XIRP2: variants seen among roughly 807,000 people sequenced by gnomAD.
XIRP2 encodes the protein xin actin binding repeat containing 2, also known as xin actin-binding repeat-containing protein 2.
In XIRP2, 236 loss-of-function variants were observed where a neutral mutation model predicts 277.0. The observed-to-expected ratio is 0.85, with a 90% confidence interval of 0.77 to 0.95. The LOEUF is 0.95. Ranked by LOEUF, XIRP2 falls within the 40% of genes least tolerant of loss-of-function variation. The probability of loss-of-function intolerance (pLI) is 0.00; values close to 1 mark genes in which losing one functional copy is unlikely to be tolerated. For missense variants in XIRP2, 4,640 were observed against 4,157.5 expected, an observed-to-expected ratio of 1.12 and a Z score of -3.19; for synonymous variants, 1,490 against 1,416.5, an observed-to-expected ratio of 1.05 and a Z score of -1.17.
intron 2 of XIRP2, among the ~76,000 whole-genome samples, chr2:166,995,814 AAG>A (rs1399097073): frequency 6.6e-6 from 1 of 152,196 alleles, no homozygotes. Context: ...TGTTTCCTTG[AAG>A]AGAATTGTGT....
chr2:167,139,053 C>T (rs377730337), intron 3 of XIRP2, among the ~76,000 whole-genome samples: 4 of 150,754 alleles, frequency 2.7e-5, no homozygotes, highest in South Asian at 2.1e-4. Context: ...GCCAACAGAG[C>T]GAGACTCTGT....
intron 1 of XIRP2, among the ~76,000 whole-genome samples, chr2:166,896,030 A>C (rs780509875): frequency 8.5e-5 from 13 of 152,156 alleles, no homozygotes; most frequent in Admixed American, 2.0e-4. Context: ...GGATGTTATG[A>C]GCAATTTATG....
In XIRP2 at chr2:167,247,677, T is replaced by C; in HGVS notation, c.6285T>C (p.Thr2095=). ...TGTCAGTTAAGAATAATCTAACAACTAAAGAATCAGACAGGGCAGTGAGAG... is the reference window on the plus strand; with the variant it reads ...TGTCAGTTAAGAATAATCTAACAACCAAAGAATCAGACAGGGCAGTGAGAG... ...STVSVKNNLT[T]KESDRAVREL... The change falls in exon 9 of 11, where the codon ACT becomes ACC. Residue 2095 remains threonine, a synonymous_variant. Transcript: ENST00000409195. The C allele has an allele frequency of 1.2e-6, 2 of 1,613,574 alleles. No homozygotes were observed. The highest frequency in any genetic ancestry group is 1.7e-6 in the Non-Finnish European group (2 of 1,179,724).
At chr2:167,145,147 A>G (rs1245025090) in intron 3 of XIRP2, among the ~76,000 whole-genome samples, 1 of 152,168 alleles carries the variant, frequency 6.6e-6, no homozygotes. Flanking sequence ...AAAATAATGA[A>G]TAACACCATA....
At chr2:167,062,892 A>G (rs757011783) in intron 2 of XIRP2, among the ~76,000 whole-genome samples, 6 of 151,640 alleles carry the variant, frequency 4.0e-5, no homozygotes, top group Non-Finnish European at 8.8e-5. Flanking sequence ...TCAAAAAACC[A>G]ACTTTTGGGT....
chr2:166,949,969 C>A (rs1685983948), intron 2 of XIRP2, among the ~76,000 whole-genome samples: 1 of 151,862 alleles, frequency 6.6e-6, no homozygotes, highest in Non-Finnish European at 1.5e-5. Flanking sequence ...CCTACCTTTT[C>A]TAAAATGCTG....
At chr2:167,033,357 G>T (rs751123580) in intron 2 of XIRP2, among the ~76,000 whole-genome samples, 3 of 152,058 alleles carry the variant, frequency 2.0e-5, no homozygotes, top group Non-Finnish European at 2.9e-5. Flanking sequence ...GTTAATGGGT[G>T]CAACAAACCA....
intron 3 of XIRP2, among the ~76,000 whole-genome samples, chr2:167,178,816 G>A (rs943230678): frequency 1.3e-5 from 2 of 151,714 alleles, no homozygotes; most frequent in African/African-American, 2.4e-5. Flanking sequence ...ATATCTATTC[G>A]TGTGTTACTA....
At chr2:167,036,403 T>C (rs888085316) in intron 2 of XIRP2, among the ~76,000 whole-genome samples, 1 of 152,068 alleles carries the variant, frequency 6.6e-6, no homozygotes, top group South Asian at 2.1e-4. Flanking sequence ...CTGAAGGAGA[T>C]CATTTTGGAG....
intron 2 of XIRP2, among the ~76,000 whole-genome samples, chr2:166,915,983 T>C (rs11884668): frequency 0.31 from 47,420 of 152,074 alleles, 7,909 homozygotes; most frequent in East Asian, 0.59. Context: ...ATTGCATAAT[T>C]GGAGGCATGG....
chr2:167,084,784 G>A (rs1479071989), intron 2 of XIRP2, among the ~76,000 whole-genome samples: 1 of 149,632 alleles, frequency 6.7e-6, no homozygotes, highest in African/African-American at 2.4e-5. Flanking sequence ...GATCGGTGGT[G>A]ATATCCCCTT....
At chr2:166,927,672 T>C (rs946843362) in intron 2 of XIRP2, among the ~76,000 whole-genome samples, 3 of 152,110 alleles carry the variant, frequency 2.0e-5, no homozygotes, top group Admixed American at 6.6e-5. Context: ...AAACCCTTTA[T>C]TGTAGAGTCA....
chr2:167,020,347 A>G (rs1043990389), intron 2 of XIRP2, among the ~76,000 whole-genome samples: 2 of 151,988 alleles, frequency 1.3e-5, no homozygotes, highest in Non-Finnish European at 2.9e-5. Flanking sequence ...GAAACAAATA[A>G]TGACTAATTA....
chr2:167,068,490 A>G (rs1689357937), intron 2 of XIRP2, among the ~76,000 whole-genome samples: 1 of 152,218 alleles, frequency 6.6e-6, no homozygotes, highest in African/African-American at 2.4e-5. Flanking sequence ...AACAGTGTGT[A>G]CAAATAATTG....
chr2:167,251,420 G>A lies in XIRP2; in HGVS notation c.10028G>A (p.Gly3343Asp). The A allele has an allele frequency of 2.5e-6, 4 of 1,613,590 alleles. No homozygotes were observed. Among genetic ancestry groups the A allele is most frequent in the Non-Finnish European group, 3.4e-6 (4 of 1,179,686 alleles). Residue 3343 changes from glycine to aspartate, a missense_variant, in exon 9 of 11, where the codon GGC becomes GAC. Transcript: ENST00000409195. Reference sequence around the variant, plus strand: ...AGATGGTTCAGGGAATTTGAGCATGGCCCAGTTTCTGAAGCAAAGTCAAAT... The same window carrying A: ...AGATGGTTCAGGGAATTTGAGCATGACCCAGTTTCTGAAGCAAAGTCAAAT... ...INRWFREFEH[G>D]PVSEAKSNRR...
At chr2:167,059,450 A>AAAATAAAATAAAAT (rs1553482889) in intron 2 of XIRP2, among the ~76,000 whole-genome samples, 1 of 140,300 alleles carries the variant, frequency 7.1e-6, no homozygotes, top group Admixed American at 7.0e-5. Flanking sequence ...ACATGTGGAA[A>AAAATAAAATAAAAT]AAAATAAAAT....
At chr2:166,945,312 C>T (rs1302883195) in intron 2 of XIRP2, among the ~76,000 whole-genome samples, 1 of 151,924 alleles carries the variant, frequency 6.6e-6, no homozygotes, top group Non-Finnish European at 1.5e-5. Flanking sequence ...AATGTTAAAG[C>T]ATAAAAATAG....
intron 2 of XIRP2, among the ~76,000 whole-genome samples, chr2:167,040,962 C>T (rs1338214837): frequency 1.3e-5 from 2 of 152,156 alleles, no homozygotes; most frequent in Admixed American, 6.5e-5. Context: ...TGGGACAGCC[C>T]GTTGCCCTGC....
At chr2:167,231,810 A>G (rs1457464789) in intron 5 of XIRP2, among the ~76,000 whole-genome samples, 1 of 151,958 alleles carries the variant, frequency 6.6e-6, no homozygotes, top group African/African-American at 2.4e-5. Flanking sequence ...GTGGCAGGAG[A>G]TTACTCCAAT....
Sources: gnomAD v4.1 joint callset for allele counts (sites outside exome capture counted in the v4.1 genomes callset) on GRCh38, gnomAD v4.1.1 for gene constraint, MANE v1.5 for transcripts, NCBI Gene and HGNC (gene_info 2026-07-23, HGNC 2026-07-21) for gene names.